The following ASTN1 variants were observed in gnomAD, a reference collection of about 807,000 sequenced individuals.
ASTN1 encodes astrotactin 1, also known as astrotactin-1.
In ASTN1, 41 loss-of-function variants were observed where a neutral mutation model predicts 140.7. The ratio of observed to expected loss-of-function variants is 0.29; its 90% CI spans 0.23 to 0.38. The LOEUF (loss-of-function observed/expected upper bound fraction) is 0.38, where lower values mean the gene tolerates loss of function less well. Ranked by LOEUF, ASTN1 falls within the 10% of genes least tolerant of loss-of-function variation. The probability of loss-of-function intolerance (pLI) is 1.00; values close to 1 mark genes in which losing one functional copy is unlikely to be tolerated. For missense variants in ASTN1, 1,479 were observed against 1,678.8 expected, an observed-to-expected ratio of 0.88 and a Z score of 2.08; for synonymous variants, 640 against 652.2, an observed-to-expected ratio of 0.98 and a Z score of 0.29.
At chr1:176,884,884 T>C (rs1668970053) in intron 18 of ASTN1, among the ~76,000 whole-genome samples, 1 of 152,224 alleles carries the variant, frequency 6.6e-6, no homozygotes, top group Admixed American at 6.5e-5. Context: ...ATACTGCTCA[T>C]ATAAAGACGT....
chr1:176,937,963 A>C, intron 14 of ASTN1, among the ~76,000 whole-genome samples: 1 of 152,150 alleles, frequency 6.6e-6, no homozygotes, highest in East Asian at 1.9e-4. Flanking sequence ...CCAAATTTTC[A>C]TTTCTGTGTG....
chr1:176,886,037 G>GA (rs920616912), intron 18 of ASTN1, among the ~76,000 whole-genome samples: 113 of 149,386 alleles, frequency 7.6e-4, no homozygotes, highest in African/African-American at 1.9e-3. Flanking sequence ...GTGCTGTTTT[G>GA]AAAAAAAAAG....
chr1:177,011,684 ACACACACATACAC>A (rs1675300734), intron 8 of ASTN1, among the ~76,000 whole-genome samples: 1 of 151,666 alleles, frequency 6.6e-6, no homozygotes, highest in Admixed American at 6.6e-5. Flanking sequence ...ATGCATGCAC[ACACACACATACAC>A]CACACACATG....
intron 19 of ASTN1, among the ~76,000 whole-genome samples, chr1:176,883,643 C>T (rs746018131): frequency 3.3e-5 from 5 of 152,182 alleles, no homozygotes; most frequent in Admixed American, 6.5e-5. Context: ...GCAGCAGCTG[C>T]GTATGTCTCT....
intron 7 of ASTN1, among the ~76,000 whole-genome samples, chr1:177,021,510 C>A (rs1173491860): frequency 1.3e-5 from 2 of 152,180 alleles, no homozygotes; most frequent in Admixed American, 1.3e-4. Context: ...ATTAAGCAAC[C>A]TTTATAATCC....
intron 9 of ASTN1, among the ~76,000 whole-genome samples, chr1:176,961,380 A>G (rs1027938082): frequency 1.3e-5 from 2 of 152,242 alleles, no homozygotes; most frequent in Non-Finnish European, 2.9e-5. Context: ...GCCTCTGGTA[A>G]GATCAAGGTG....
intron 1 of ASTN1, among the ~76,000 whole-genome samples, chr1:177,144,400 C>T (rs1285659953): frequency 1.3e-5 from 2 of 151,622 alleles, no homozygotes; most frequent in Non-Finnish European, 2.9e-5. Flanking sequence ...CTACAGGCAC[C>T]AGCCACCGCG....
intron 1 of ASTN1, among the ~76,000 whole-genome samples, chr1:177,159,382 T>C (rs994375363): frequency 9.2e-5 from 14 of 152,174 alleles, no homozygotes; most frequent in Non-Finnish European, 1.0e-4. Context: ...CATTTACTAT[T>C]AACCTAGGCA....
chr1:177,157,033 C>T (rs1029603922), intron 1 of ASTN1, among the ~76,000 whole-genome samples: 6 of 152,054 alleles, frequency 3.9e-5, no homozygotes, highest in Non-Finnish European at 7.4e-5. Context: ...CCAAGAGAAG[C>T]GTAAGAAGAT....
chr1:176,896,439 A>G (rs1487165461), intron 16 of ASTN1, among the ~76,000 whole-genome samples: 2 of 152,238 alleles, frequency 1.3e-5, no homozygotes, highest in East Asian at 3.9e-4. Flanking sequence ...GGCTTACGCA[A>G]CCCAGTCAAC....
chr1:177,113,259 C>A (rs1262740251), intron 1 of ASTN1, among the ~76,000 whole-genome samples: 1 of 152,186 alleles, frequency 6.6e-6, no homozygotes, highest in African/African-American at 2.4e-5. Flanking sequence ...AGGTTGTTTC[C>A]AGCTTCCATA....
chr1:176,864,611 A>G (rs1668071730), intron 22 of ASTN1, 90 bp from the exon 23 acceptor site: 23 of 1,523,364 alleles, frequency 1.5e-5, no homozygotes, highest in Non-Finnish European at 1.9e-5. Context: ...TCTAAACTTC[A>G]AGAGGGAAGA....
chr1:176,965,322 G>A (rs1672832133), intron 8 of ASTN1, 85 bp from the exon 9 acceptor site: 3 of 1,366,908 alleles, frequency 2.2e-6, no homozygotes, highest in African/African-American at 2.9e-5. Context: ...AGTGCTAGGT[G>A]GTAGACACCC....
chr1:176,982,485 G>C (rs1184511155), intron 8 of ASTN1, among the ~76,000 whole-genome samples: 2 of 152,140 alleles, frequency 1.3e-5, no homozygotes, highest in South Asian at 4.1e-4. Context: ...TGATTCAGTA[G>C]GTCTGGGGTG....
At chr1:177,118,501 A>C (rs1218841025) in intron 1 of ASTN1, among the ~76,000 whole-genome samples, 1 of 152,192 alleles carries the variant, frequency 6.6e-6, no homozygotes, top group Non-Finnish European at 1.5e-5. Context: ...TATCCCTAGA[A>C]GCATAAAGAA....
intron 2 of ASTN1, among the ~76,000 whole-genome samples, chr1:177,052,174 C>T (rs575602656): frequency 4.6e-5 from 7 of 152,164 alleles, no homozygotes; most frequent in Admixed American, 4.6e-4. Context: ...TTGCCTCGGT[C>T]TTTTCCCTAA....
At chr1:176,983,875 G>T (rs1366819973) in intron 8 of ASTN1, among the ~76,000 whole-genome samples, 1 of 152,210 alleles carries the variant, frequency 6.6e-6, no homozygotes. Flanking sequence ...ACTAACAAAA[G>T]ATTTCTGATT....
chr1:177,117,823 C>T (rs1208723343), intron 1 of ASTN1, among the ~76,000 whole-genome samples: 1 of 152,158 alleles, frequency 6.6e-6, no homozygotes, highest in African/African-American at 2.4e-5. Context: ...ACTAAAATAT[C>T]AATCACCCTT....
chr1:176,901,718 C>T (rs958320696), intron 16 of ASTN1, among the ~76,000 whole-genome samples: 3 of 152,186 alleles, frequency 2.0e-5, no homozygotes, highest in African/African-American at 7.2e-5. Context: ...AGGAGCCCTT[C>T]CCAGTCTCCA....
Sources: gnomAD v4.1 joint callset for allele counts (sites outside exome capture counted in the v4.1 genomes callset) on GRCh38, gnomAD v4.1.1 for gene constraint, MANE v1.5 for transcripts, NCBI Gene and HGNC (gene_info 2026-07-23, HGNC 2026-07-21) for gene names.